The following FAM135B variants were observed in gnomAD, a reference collection of about 807,000 sequenced individuals.
The protein encoded by FAM135B is family with sequence similarity 135 member B, also known as protein FAM135B.
Under a neutral mutation model 127.7 loss-of-function variants are expected in FAM135B, and 43 were observed. The ratio of observed to expected loss-of-function variants is 0.34; its 90% CI spans 0.26 to 0.43. FAM135B has a LOEUF of 0.43. FAM135B is among the 20% of genes least tolerant of loss of function. The pLI is 1.00. For synonymous variants in FAM135B, 670 were observed against 665.1 expected (o/e 1.01, Z -0.11); for missense variants, 1,558 against 1,725.6 (o/e 0.90, Z 1.72).
intron 1 of FAM135B, among the ~76,000 whole-genome samples, chr8:138,384,896 T>C (rs1393617592): frequency 2.0e-5 from 3 of 152,070 alleles, no homozygotes; most frequent in African/African-American, 7.2e-5. Flanking sequence ...GCAGAGGGGA[T>C]GGGAGACCTT....
chr8:138,176,113 G>T (rs1264866968), intron 11 of FAM135B, among the ~76,000 whole-genome samples: 1 of 152,224 alleles, frequency 6.6e-6, no homozygotes, highest in African/African-American at 2.4e-5. Flanking sequence ...TGCAGGAACA[G>T]GGTCTTGAAC....
intron 2 of FAM135B, among the ~76,000 whole-genome samples, chr8:138,356,580 T>C (rs1380015418): frequency 6.6e-6 from 1 of 152,168 alleles, no homozygotes; most frequent in Non-Finnish European, 1.5e-5. Context: ...CACCCAATGA[T>C]GGTGAAGTGA....
At chr8:138,305,841 T>C (rs1039039747) in intron 3 of FAM135B, among the ~76,000 whole-genome samples, 2 of 152,132 alleles carry the variant, frequency 1.3e-5, no homozygotes, top group Non-Finnish European at 2.9e-5. Flanking sequence ...CATACACACA[T>C]ATATATACAT....
chr8:138,145,751 G>A (rs1817598742), intron 15 of FAM135B, among the ~76,000 whole-genome samples: 1 of 152,126 alleles, frequency 6.6e-6, no homozygotes, highest in Admixed American at 6.5e-5. Context: ...CCCGTCAACC[G>A]ATACACATGT....
intron 1 of FAM135B, among the ~76,000 whole-genome samples, chr8:138,411,615 C>T (rs1007752260): frequency 3.3e-5 from 5 of 152,126 alleles, no homozygotes; most frequent in African/African-American, 4.8e-5. Context: ...GCAATGGCAA[C>T]AAAAGCCAAA....
intron 3 of FAM135B, among the ~76,000 whole-genome samples, chr8:138,303,302 G>A (rs1826017410): frequency 6.6e-6 from 1 of 152,140 alleles, no homozygotes; most frequent in African/African-American, 2.4e-5. Context: ...GGATGAAGCT[G>A]GAAGCCATCA....
intron 1 of FAM135B, among the ~76,000 whole-genome samples, chr8:138,464,724 C>G (rs1837300430): frequency 6.6e-6 from 1 of 152,136 alleles, no homozygotes; most frequent in African/African-American, 2.4e-5. Context: ...GCCCACTGCC[C>G]AGAACATCAG....
At chr8:138,389,607 C>T (rs919010638) in intron 1 of FAM135B, among the ~76,000 whole-genome samples, 16 of 152,124 alleles carry the variant, frequency 1.1e-4, no homozygotes, top group African/African-American at 3.6e-4. Context: ...TAATAGATAT[C>T]CTGACCAAGA....
intron 6 of FAM135B, among the ~76,000 whole-genome samples, chr8:138,247,059 AC>A (rs1172644672): frequency 2.0e-5 from 3 of 152,244 alleles, no homozygotes; most frequent in African/African-American, 7.2e-5. Context: ...CAATGCCTGT[AC>A]CCCCAATGTA....
intron 1 of FAM135B, among the ~76,000 whole-genome samples, chr8:138,401,916 A>C (rs546777550): frequency 2.4e-4 from 36 of 152,278 alleles, no homozygotes; most frequent in Non-Finnish European, 3.5e-4. Context: ...TTTCCCAGGT[A>C]AGCTCTGCTC....
intron 1 of FAM135B, among the ~76,000 whole-genome samples, chr8:138,466,609 A>G (rs1837393107): frequency 6.6e-6 from 1 of 152,190 alleles, no homozygotes; most frequent in Non-Finnish European, 1.5e-5. Context: ...ATGACTGAAC[A>G]ACCGAATTTA....
intron 1 of FAM135B, among the ~76,000 whole-genome samples, chr8:138,445,686 C>A (rs558914566): frequency 1.3e-5 from 2 of 152,142 alleles, no homozygotes; most frequent in Non-Finnish European, 2.9e-5. Flanking sequence ...GACAAACCCA[C>A]GGCCAATATC....
chr8:138,215,774 C>T lies in FAM135B; in HGVS notation c.670-18105G>A, dbSNP rs556958978. ...GAAGGTTGCATGGGCACTCCATTCT[C>T]CGCACCCTCCTCCCACCCATGAATG... On this transcript the variant is annotated intron_variant, in intron 7 of 19. Transcript: ENST00000395297. 2.6e-5 allele frequency among the ~76,000 whole-genome samples: 4 copies of T among 152,302 alleles called. No individual in the cohort carries two copies. The South Asian group carries it at 8.3e-4, about 32-fold the overall frequency.
chr8:138,152,289 T>A lies in FAM135B; in HGVS notation c.2186A>T (p.Glu729Val), dbSNP rs896052944. The A allele has an allele frequency of 6.2e-7, 1 of 1,613,948 alleles. No homozygotes were observed. The highest frequency in any genetic ancestry group is 1.1e-5 in the South Asian group (1 of 91,088). The stretch of plus-strand genomic sequence containing the variant: ...TGTGTTACTTTCTGTGTGTCCACCC[T>A]CTAGGGAGTTCCGGTGGAGGGCATG... ...RRHALHRNSLEGGHTESNTSL... is the reference protein window; with the variant it reads ...RRHALHRNSLVGGHTESNTSL... The change falls in exon 13 of 20, where the codon GAG (glutamate) becomes GTG (valine). Residue 729 changes from glutamate to valine, a missense_variant. This residue lies in a region of FAM135B where 923 missense variants were observed against 865.3 expected (regional missense o/e 1.07). Coordinates refer to ENST00000395297, the MANE Select transcript of FAM135B (RefSeq NM_015912.4).
At chr8:138,234,865 G>A (rs1820150955) in intron 7 of FAM135B, among the ~76,000 whole-genome samples, 1 of 152,124 alleles carries the variant, frequency 6.6e-6, no homozygotes, top group African/African-American at 2.4e-5. Context: ...CTATAATCAG[G>A]AGACGATAAT....
intron 3 of FAM135B, among the ~76,000 whole-genome samples, chr8:138,273,489 C>T (rs1823551289): frequency 6.6e-6 from 1 of 152,182 alleles, no homozygotes; most frequent in Admixed American, 6.5e-5. Context: ...CAGGTGTGAG[C>T]CACCGCCTCC....
At chr8:138,417,349 C>G (rs375091681) in intron 1 of FAM135B, among the ~76,000 whole-genome samples, 3 of 152,296 alleles carry the variant, frequency 2.0e-5, no homozygotes, top group Admixed American at 6.5e-5. Context: ...GGCAGACCTG[C>G]CTAAAGCTGG....
chr8:138,371,716 C>T (rs1360021375), intron 1 of FAM135B, among the ~76,000 whole-genome samples: 1 of 152,176 alleles, frequency 6.6e-6, no homozygotes, highest in Non-Finnish European at 1.5e-5. Flanking sequence ...CCAACATGAG[C>T]ATGTACCATA....
intron 10 of FAM135B, among the ~76,000 whole-genome samples, chr8:138,178,064 G>A (rs1228038448): frequency 6.6e-6 from 1 of 151,972 alleles, no homozygotes; most frequent in Non-Finnish European, 1.5e-5. Flanking sequence ...AGTCAACATG[G>A]TGAAACCCCA....
Sources: gnomAD v4.1 joint callset for allele counts (sites outside exome capture counted in the v4.1 genomes callset) on GRCh38, gnomAD v4.1.1 for gene constraint, gnomAD v4.1.1 regional missense constraint, MANE v1.5 for transcripts, NCBI Gene and HGNC (gene_info 2026-07-23, HGNC 2026-07-21) for gene names.